Variants in COLEC12 observed in about 807,000 individuals in gnomAD.
The protein encoded by COLEC12 is collectin-12.
In COLEC12, 33 loss-of-function variants were observed where a neutral mutation model predicts 71.1. That is an observed-to-expected ratio of 0.46 (90% confidence interval 0.35 to 0.62). COLEC12 has a LOEUF of 0.62. Ranked by LOEUF, COLEC12 falls within the 20% of genes least tolerant of loss-of-function variation. The pLI is 0.00. For missense variants in COLEC12, 765 were observed against 916.1 expected (o/e 0.84, Z 2.13); for synonymous variants, 350 against 353.0 (o/e 0.99, Z 0.10).
chr18:321,904 C>G, intron 8 of COLEC12, 97 bp from the exon 9 acceptor site: 1 of 1,165,636 alleles, frequency 8.6e-7, no homozygotes, highest in South Asian at 1.5e-5. Flanking sequence ...AAAATTGAAG[C>G]ATGTCATTTA....
At chr18:403,574 AC>A (rs1400199460) in intron 2 of COLEC12, among the ~76,000 whole-genome samples, 3 of 152,104 alleles carry the variant, frequency 2.0e-5, no homozygotes, top group African/African-American at 7.2e-5. Context: ...CCTTTCAGTG[AC>A]CCATGGCTCT....
chr18:446,002 C>T (rs932434637), intron 2 of COLEC12, among the ~76,000 whole-genome samples: 1 of 152,092 alleles, frequency 6.6e-6, no homozygotes, highest in East Asian at 1.9e-4. Context: ...TAATATGTGG[C>T]CTTTTGTGCC....
rs749705389 is a variant in COLEC12 at position 408,889 on chromosome 18, G to C, written c.59-51367C>G. 4.5e-4 allele frequency among the ~76,000 whole-genome samples: 69 copies of C among 152,248 alleles called. No homozygotes were observed. The highest frequency in any genetic ancestry group is 7.8e-4 in the Non-Finnish European group (53 of 68,002). On this transcript the variant is annotated intron_variant, in intron 2 of 9. Transcript: ENST00000400256. This position sits in a 1 kb window ranked among gnomAD's most constrained non-coding sequence, Gnocchi z 4.3. Reference sequence around the variant, plus strand: ...GCTCTGCTGCCCAGGCTGGAGGGCAGTGGCACGATCTTGACTCACTGCAAC... The same window carrying C: ...GCTCTGCTGCCCAGGCTGGAGGGCACTGGCACGATCTTGACTCACTGCAAC...
Position 465,588 on chromosome 18 carries a change from C to T in COLEC12, c.58+15119G>A, listed in dbSNP as rs144112148. Among the ~76,000 whole-genome samples, 4 of 152,210 alleles carry T rather than the reference C, an allele frequency of 2.6e-5. No homozygotes were observed. In the East Asian group the frequency reaches 7.7e-4, roughly 29 times the overall value. On this transcript the variant is annotated intron_variant, in intron 2 of 9. Transcript: ENST00000400256. ...GTTTGATTTTACAGGAAGAAAGTAA[C>T]CTGATTAAATAATCCACCTTAAAGT...
chr18:400,828 T>C (rs1915669797), intron 2 of COLEC12, among the ~76,000 whole-genome samples: 1 of 152,204 alleles, frequency 6.6e-6, no homozygotes, highest in South Asian at 2.1e-4. Context: ...TGGTAACATT[T>C]ACTATTTTGG....
At chr18:382,612 C>G (rs528621511) in intron 2 of COLEC12, among the ~76,000 whole-genome samples, 1 of 152,150 alleles carries the variant, frequency 6.6e-6, no homozygotes. Context: ...TAGCACTAAT[C>G]CCCCCGAGCC....
At chr18:416,765 A>C (rs1915993544) in intron 2 of COLEC12, among the ~76,000 whole-genome samples, 1 of 149,672 alleles carries the variant, frequency 6.7e-6, no homozygotes, top group Admixed American at 6.7e-5. Flanking sequence ...CTGTACTTAA[A>C]GTTTTAAAAT....
At chr18:439,404 G>C in intron 2 of COLEC12, among the ~76,000 whole-genome samples, 1 of 150,950 alleles carries the variant, frequency 6.6e-6, no homozygotes, top group Non-Finnish European at 1.5e-5. Context: ...GCAAGAGAGA[G>C]AAACCTGGAA....
At chr18:486,503 G>C (rs1438490183) in intron 1 of COLEC12, among the ~76,000 whole-genome samples, 2 of 152,126 alleles carry the variant, frequency 1.3e-5, no homozygotes, top group Non-Finnish European at 2.9e-5. Flanking sequence ...TTATGTTTCT[G>C]TTTTACAGAT....
chr18:394,429 C>T (rs983212743), intron 2 of COLEC12, among the ~76,000 whole-genome samples: 1 of 152,174 alleles, frequency 6.6e-6, no homozygotes, highest in Admixed American at 6.5e-5. Context: ...GTGGGTTTCT[C>T]GTTTAAGAAT....
At chr18:482,903 G>A (rs769596940) in intron 1 of COLEC12, among the ~76,000 whole-genome samples, 3 of 152,006 alleles carry the variant, frequency 2.0e-5, no homozygotes, top group Non-Finnish European at 4.4e-5. Flanking sequence ...GTGAGCTACC[G>A]TGCCCACCCA....
At chr18:479,160 T>C (rs1328681712) in intron 2 of COLEC12, among the ~76,000 whole-genome samples, 3 of 152,160 alleles carry the variant, frequency 2.0e-5, no homozygotes, top group African/African-American at 4.8e-5. Context: ...TCCTTTATAA[T>C]TCTTGGTTTC....
At chr18:421,252 T>C (rs112462502) in intron 2 of COLEC12, among the ~76,000 whole-genome samples, 368 of 152,342 alleles carry the variant, frequency 2.4e-3, no homozygotes, top group African/African-American at 8.4e-3. Context: ...TAATAGCCCA[T>C]GTTAATAGAG....
intron 6 of COLEC12, chr18:334,529 A>G (rs1011776979): frequency 1.6e-5 from 6 of 376,064 alleles, no homozygotes; most frequent in Non-Finnish European, 2.3e-5. Flanking sequence ...CTGGGAGGCT[A>G]AGGCAGGAGA....
At chr18:339,362 G>A (rs917828554) in intron 5 of COLEC12, among the ~76,000 whole-genome samples, 1 of 152,164 alleles carries the variant, frequency 6.6e-6, no homozygotes, top group Non-Finnish European at 1.5e-5. Context: ...CAGTCAATGT[G>A]TAAGTTGTGG....
intron 2 of COLEC12, among the ~76,000 whole-genome samples, chr18:443,556 G>C (rs1265157881): frequency 6.6e-6 from 1 of 152,168 alleles, no homozygotes; most frequent in Non-Finnish European, 1.5e-5. Context: ...TGAACTTTAA[G>C]GTACTCTTGG....
Position 373,419 on chromosome 18 carries a change from G to A in COLEC12, c.59-15897C>T, listed in dbSNP as rs574749348. 1.1e-4 allele frequency among the ~76,000 whole-genome samples: 17 copies of A among 152,282 alleles called. 1 individual carries two copies. In the South Asian group the frequency reaches 3.1e-3, roughly 28 times the overall value. The stretch of plus-strand genomic sequence containing the variant: ...AAGGGCCATGTGGACACATGGAAAC[G>A]GATTCGGGCAGGACCAGAACTATTT... On this transcript the variant is annotated intron_variant, in intron 2 of 9. Transcript: ENST00000400256.
At chr18:429,689 A>G (rs7235060) in intron 2 of COLEC12, among the ~76,000 whole-genome samples, 28,149 of 152,022 alleles carry the variant, frequency 0.19, 2,883 homozygotes, top group Middle Eastern at 0.24. Context: ...GCCTCATGTA[A>G]TTCTTTACCA....
At chr18:390,222 T>C (rs1382657775) in intron 2 of COLEC12, among the ~76,000 whole-genome samples, 2 of 152,118 alleles carry the variant, frequency 1.3e-5, no homozygotes, top group African/African-American at 4.8e-5. Context: ...TCCTAAAACC[T>C]GGGAAGGGAG....
Sources: gnomAD v4.1 joint callset for allele counts (sites outside exome capture counted in the v4.1 genomes callset) on GRCh38, gnomAD v4.1.1 for gene constraint, Gnocchi (gnomAD v3.1) non-coding constraint, MANE v1.5 for transcripts, NCBI Gene and HGNC (gene_info 2026-07-23, HGNC 2026-07-21) for gene names.